The following SMARCA4 variants were observed in gnomAD, a reference collection of about 807,000 sequenced individuals.
SMARCA4 encodes the protein SWI/SNF-related matrix-associated actin-dependent regulator of chromatin subfamily A member 4.
Under a neutral mutation model 193.9 loss-of-function variants are expected in SMARCA4, and 31 were observed. The observed-to-expected ratio is 0.16, with a 90% CI of 0.12 to 0.22. The LOEUF is 0.22. Ranked by LOEUF, SMARCA4 falls within the 10% of genes least tolerant of loss-of-function variation. The pLI, the probability that SMARCA4 is intolerant of heterozygous loss-of-function variation, is 1.00. For missense variants in SMARCA4, 1,148 were observed against 2,296.0 expected (o/e 0.50, Z 10.22); for synonymous variants, 942 against 933.1 (o/e 1.01, Z -0.17).
In SMARCA4 at chr19:11,003,029, C is replaced by T. The variant is rs1373012344; in HGVS notation, c.1813C>T (p.Pro605Ser). The T allele has an allele frequency of 6.2e-7, 1 of 1,614,138 alleles. No individual in the cohort carries two copies. The highest frequency in any genetic ancestry group is 1.7e-5 in the Admixed American group (1 of 60,022). Residue 605 changes from proline to serine, a missense_variant and splice_region_variant, in exon 12 of 35, where the codon CCT (proline) becomes TCT (serine). Physicochemically the swap from Pro to Ser is moderately conservative, Grantham distance 74 (BLOSUM62 -1). Coordinates refer to ENST00000344626, the MANE Select transcript of SMARCA4 (RefSeq NM_003072.5). Reference protein sequence around the residue: ...QTPAIGPDGEPLDETSQMSDL... With the variant: ...QTPAIGPDGESLDETSQMSDL... Reference sequence around the variant, plus strand: ...TGTCACACGAATGACTCTTTTTCAGCCTCTGGACGAGACCAGCCAGATGAG... The same window carrying T: ...TGTCACACGAATGACTCTTTTTCAGTCTCTGGACGAGACCAGCCAGATGAG...
At chr19:10,993,484 T>A (rs974927328) in intron 8 of SMARCA4, among the ~76,000 whole-genome samples, 1 of 152,236 alleles carries the variant, frequency 6.6e-6, no homozygotes, top group African/African-American at 2.4e-5. Flanking sequence ...TGGTCTCTGA[T>A]ATTTCCTTAA....
At chr19:10,967,910 T>C (rs1599803047) in intron 1 of SMARCA4, among the ~76,000 whole-genome samples, 1 of 150,778 alleles carries the variant, frequency 6.6e-6, no homozygotes, top group East Asian at 2.0e-4. Flanking sequence ...GGAGTCTTGC[T>C]TAGTTGCCCA....
intron 11 of SMARCA4, among the ~76,000 whole-genome samples, chr19:10,997,549 C>T (rs916137518): frequency 6.6e-6 from 1 of 152,158 alleles, no homozygotes; most frequent in Non-Finnish European, 1.5e-5. Context: ...TGGTCTTGAA[C>T]TCCTGATCTC....
intron 30 of SMARCA4, among the ~76,000 whole-genome samples, chr19:11,053,199 C>A (rs896641673): frequency 6.6e-6 from 1 of 151,946 alleles, no homozygotes; most frequent in Non-Finnish European, 1.5e-5. Context: ...TCAGGAGTTA[C>A]AAAAAACGGA....
rs767353166 is a variant in SMARCA4 at position 11,024,366 on chromosome 19, G to A, written c.3009G>A (p.Leu1003=). 1 of 1,613,064 alleles carries A rather than the reference G, an allele frequency of 6.2e-7. No homozygotes were observed. The highest frequency in any genetic ancestry group is 8.5e-7 in the Non-Finnish European group (1 of 1,179,816). The part of the protein sequence containing the change: ...EYVIKCDMSA[L]QRVLYRHMQA... The stretch of plus-strand genomic sequence containing the variant: ...TCATCAAGTGCGACATGTCTGCGCT[G>A]CAGCGAGTGCTCTACCGCCACATGC... Residue 1003 remains leucine, a synonymous_variant, in exon 21 of 35, where the codon CTG becomes CTA. Transcript: ENST00000344626.
chr19:10,976,292 C>G (rs1021364285), intron 1 of SMARCA4, among the ~76,000 whole-genome samples: 1 of 152,174 alleles, frequency 6.6e-6, no homozygotes, highest in African/African-American at 2.4e-5. Context: ...GTAGACATCT[C>G]GCCGGAGCAA....
At chr19:11,057,141 C>T (rs539841379) in intron 30 of SMARCA4, among the ~76,000 whole-genome samples, 312 of 152,356 alleles carry the variant, frequency 2.0e-3, no homozygotes, top group African/African-American at 6.9e-3. Flanking sequence ...TGCTTGGGGC[C>T]GTTCCCTGGC....
intron 11 of SMARCA4, among the ~76,000 whole-genome samples, chr19:10,997,338 A>G (rs1410201702): frequency 6.6e-6 from 1 of 152,092 alleles, no homozygotes; most frequent in East Asian, 1.9e-4. Flanking sequence ...AGCTGGGACT[A>G]CAGGCACCTG....
rs750556885 is a variant in SMARCA4 at position 11,058,300 on chromosome 19, G to A, written c.4470G>A (p.Ser1490=). 64 of 1,613,544 alleles carry A rather than the reference G, an allele frequency of 4.0e-5. No homozygotes were observed. The highest frequency in any genetic ancestry group is 5.3e-5 in the Non-Finnish European group (62 of 1,179,938). The part of the protein sequence containing the change: ...QLSEVFIQLP[S]RKELPEYYEL... ...GCGAGGTCTTCATCCAGCTGCCCTC[G>A]CGAAAGGAGCTGCCCGAGTACTACG... The change falls in exon 31 of 35, where the codon TCG becomes TCA. Residue 1490 remains serine, a synonymous_variant. Coordinates refer to ENST00000344626, the MANE Select transcript of SMARCA4 (RefSeq NM_003072.5). The surrounding 1 kb of genome is among the most constrained non-coding windows in gnomAD (Gnocchi z 5.8).
chr19:10,986,645 G>A lies in SMARCA4; in HGVS notation c.760+52G>A, dbSNP rs757525089. On this transcript the variant is annotated intron_variant, in intron 4 of 34. Coordinates refer to ENST00000344626, the MANE Select transcript of SMARCA4 (RefSeq NM_003072.5). The surrounding 1 kb of genome is among the most constrained non-coding windows in gnomAD (Gnocchi z 6.7). ...GTGTCTCAGAGCGAATGGCTGGGGC[G>A]TGGGTGGCGGGGTGGACAGACCGTG... The A allele has an allele frequency of 1.2e-5, 19 of 1,534,224 alleles. No individual in the cohort carries two copies. Among genetic ancestry groups the A allele is most frequent in the South Asian group, 3.6e-5 (3 of 83,986 alleles).
intron 30 of SMARCA4, among the ~76,000 whole-genome samples, chr19:11,053,532 G>A (rs901772204): frequency 6.6e-6 from 1 of 151,828 alleles, no homozygotes; most frequent in Non-Finnish European, 1.5e-5. Context: ...AAAGCCCACC[G>A]ATTTCTGCGT....
At chr19:10,962,410 T>C (rs1000172852) in intron 1 of SMARCA4, among the ~76,000 whole-genome samples, 30 of 152,020 alleles carry the variant, frequency 2.0e-4, no homozygotes, top group African/African-American at 6.8e-4. Flanking sequence ...GGGAACAAAC[T>C]CTCTTGGCCT....
intron 29 of SMARCA4, chr19:11,039,683 A>G (rs918535029): frequency 3.0e-5 from 13 of 439,708 alleles, no homozygotes; most frequent in Non-Finnish European, 5.2e-5. Flanking sequence ...TTTATAATAT[A>G]TTTTTTTAAA....
rs2086126069 is a variant in SMARCA4 at position 10,987,154 on chromosome 19, C to T, written c.859+151C>T. 3.0e-6 allele frequency: 2 copies of T among 673,784 alleles called. No individual in the cohort carries two copies. Among genetic ancestry groups the T allele is most frequent in the South Asian group, 1.6e-5 (1 of 62,490 alleles). The allele number at this position is 673,784 out of a possible 1,614,324, so 41.7% of individuals were successfully genotyped here. ...TTTCTTGTGGTGGTCCCCGGGTCTC[C>T]CCTGTAGCCAGTCAGTTCCCAAAGG... On this transcript the variant is annotated intron_variant, in intron 5 of 34. Transcript: ENST00000344626. The surrounding 1 kb of genome is among the most constrained non-coding windows in gnomAD (Gnocchi z 5.3).
intron 1 of SMARCA4, among the ~76,000 whole-genome samples, chr19:10,962,016 T>C (rs552502606): frequency 1.4e-5 from 2 of 147,060 alleles, no homozygotes; most frequent in South Asian, 4.4e-4. Context: ...TTGGGGAAAG[T>C]AGCAAGGGAA....
At chr19:11,043,029 G>T (rs2075706495) in intron 30 of SMARCA4, among the ~76,000 whole-genome samples, 1 of 151,796 alleles carries the variant, frequency 6.6e-6, no homozygotes, top group Non-Finnish European at 1.5e-5. Context: ...GGTGGCTCAT[G>T]CCTGTAATCC....
chr19:10,973,668 C>T (rs1357138187), intron 1 of SMARCA4, among the ~76,000 whole-genome samples: 1 of 146,406 alleles, frequency 6.8e-6, no homozygotes, highest in African/African-American at 2.5e-5. Flanking sequence ...CTCCCGGGTT[C>T]ACACCATTCT....
At chr19:11,009,651 C>G (rs1216840828) in intron 14 of SMARCA4, among the ~76,000 whole-genome samples, 1 of 150,894 alleles carries the variant, frequency 6.6e-6, no homozygotes, top group Non-Finnish European at 1.5e-5. Context: ...TCCTGAGTAG[C>G]TGGGGTTACA....
At chr19:10,966,645 G>A (rs1428600630) in intron 1 of SMARCA4, among the ~76,000 whole-genome samples, 2 of 151,744 alleles carry the variant, frequency 1.3e-5, no homozygotes, top group African/African-American at 2.4e-5. Context: ...CTAGCACTTT[G>A]GGAGCCGAGG....
Sources: allele counts gnomAD v4.1 joint callset (sites outside exome capture counted in the v4.1 genomes callset), GRCh38; gene constraint gnomAD v4.1.1; non-coding constraint Gnocchi (gnomAD v3.1); transcripts MANE v1.5; gene names NCBI Gene and HGNC (gene_info 2026-07-23, HGNC 2026-07-21).